The following STAB2 variants were observed in gnomAD, a reference collection of about 807,000 sequenced individuals.
STAB2 encodes the protein stabilin-2.
STAB2 carries 288 observed loss-of-function variants against 338.1 expected under a neutral mutation model. That is an observed-to-expected ratio of 0.85 (90% CI 0.77 to 0.94). The LOEUF (loss-of-function observed/expected upper bound fraction) is 0.94. Among genes scored for constraint, STAB2 ranks in the 40% least tolerant of loss-of-function variants. The pLI is 0.00. For synonymous variants in STAB2, 1,202 were observed against 1,193.3 expected, an observed-to-expected ratio of 1.01 and a Z score of -0.15; for missense variants, 3,141 against 3,210.1, an observed-to-expected ratio of 0.98 and a Z score of 0.52.
Position 103,640,257 on chromosome 12 carries a change from G to A in STAB2, c.1040+1G>A. ...CCACCGTCGCACCAGGCCGAACTGA[G>A]TAAGTCTTTTCAATTCCTCCACCAA... On this transcript the variant is annotated splice_donor_variant, in intron 9 of 68. Transcript: ENST00000388887. LOFTEE classifies it high-confidence loss of function. 6.2e-7 allele frequency: 1 copy of A among 1,608,320 alleles called. No homozygotes were observed. Among genetic ancestry groups the A allele is most frequent in the Non-Finnish European group, 8.5e-7 (1 of 1,176,644 alleles).
rs370156296 is a variant in STAB2, at chr12:103,684,996, G to A, written c.2909G>A (p.Cys970Tyr). 45 of 1,613,714 alleles carry A rather than the reference G, an allele frequency of 2.8e-5. No homozygotes were observed. The highest frequency in any genetic ancestry group is 3.5e-5 in the Non-Finnish European group (41 of 1,179,812). Residue 970 changes from cysteine to tyrosine, a missense_variant, in exon 27 of 69, where the codon TGT becomes TAT. Physicochemically the swap from Cys to Tyr is radical, Grantham distance 194. Coordinates refer to ENST00000388887, the MANE Select transcript of STAB2 (RefSeq NM_017564.10). Reference sequence around the variant, plus strand: ...TCATCTTGGTTTTCTCAGGCAAGCTGTCAATCTACTTCGTCTGGTGTCTGG... The same window carrying A: ...TCATCTTGGTTTTCTCAGGCAAGCTATCAATCTACTTCGTCTGGTGTCTGG... ...QTGKCHPLAS[C>Y]QSTSSGVWSC...
At chr12:103,690,612 T>A (rs548086398) in intron 30 of STAB2, 74 bp downstream of exon 30, 2 of 1,338,562 alleles carry the variant, frequency 1.5e-6, no homozygotes, top group South Asian at 1.3e-5. Flanking sequence ...TAAATTTTCA[T>A]GTTATGGGAA....
chr12:103,688,841 A>G (rs2138898230), intron 28 of STAB2, among the ~76,000 whole-genome samples: 1 of 152,272 alleles, frequency 6.6e-6, no homozygotes, highest in African/African-American at 2.4e-5. Flanking sequence ...CACAGGCATG[A>G]GCTGGCCCAG....
At chr12:103,739,767 G>A (rs1882436753) in intron 54 of STAB2, among the ~76,000 whole-genome samples, 1 of 152,070 alleles carries the variant, frequency 6.6e-6, no homozygotes, top group African/African-American at 2.4e-5. Context: ...GCATTTTGTT[G>A]GCTGCTCTCC....
chr12:103,761,545 C>T, intron 66 of STAB2, 135 bp downstream of exon 66: 1 of 751,414 alleles, frequency 1.3e-6, no homozygotes, highest in South Asian at 1.8e-5. Flanking sequence ...CCTCCAACCT[C>T]CAAGGTAGCT....
chr12:103,755,474 GC>G lies in STAB2; in HGVS notation c.6880+11del. On this transcript the variant is annotated splice_region_variant and intron_variant, in intron 62 of 68. Coordinates refer to ENST00000388887, the MANE Select transcript of STAB2 (RefSeq NM_017564.10). ...TTCTGCTATCGGATGAAAGGTAACC[GC>G]CCCAGCTACACTTCAGGTTCTGGGC... is the stretch of plus-strand genomic sequence containing the variant. 6.2e-7 allele frequency: 1 copy of G among 1,613,054 alleles called. No individual in the cohort carries two copies. The highest frequency in any genetic ancestry group is 1.3e-5 in the African/African-American group (1 of 74,982).
At chr12:103,675,669 G>A (rs1876270847) in intron 23 of STAB2, among the ~76,000 whole-genome samples, 1 of 152,216 alleles carries the variant, frequency 6.6e-6, no homozygotes, top group South Asian at 2.1e-4. Flanking sequence ...TTTTCCTCAT[G>A]AGAAATAAGA....
chr12:103,640,087 G>C, intron 8 of STAB2, 36 bp from the exon 9 acceptor site: 1 of 1,574,300 alleles, frequency 6.4e-7, no homozygotes, highest in African/African-American at 1.4e-5. Context: ...TAACTAACTA[G>C]GATCCTATTT....
intron 3 of STAB2, among the ~76,000 whole-genome samples, chr12:103,605,606 G>A (rs903015748): frequency 2.0e-5 from 3 of 151,764 alleles, no homozygotes; most frequent in Non-Finnish European, 4.4e-5. Context: ...ATTTCTCCTT[G>A]CAGTTCAATG....
In STAB2 at chr12:103,689,953, G is replaced by A. The variant is rs1052913919; in HGVS notation, c.3153G>A (p.Leu1051=). 6.2e-7 allele frequency: 1 copy of A among 1,614,064 alleles called. No homozygotes were observed. The highest frequency in any genetic ancestry group is 8.5e-7 in the Non-Finnish European group (1 of 1,179,982). ...ACCAGGATGAGAAAAGCTTCTGGTT[G>A]TCACAGAGCAATATTCCAGCCCTAA... ...DMDQDEKSFW[L]SQSNIPALIK... The change falls in exon 29 of 69, where the codon TTG becomes TTA. Residue 1051 remains leucine, a synonymous_variant. Coordinates refer to ENST00000388887, the MANE Select transcript of STAB2 (RefSeq NM_017564.10).
intron 44 of STAB2, among the ~76,000 whole-genome samples, chr12:103,723,411 CAAG>C (rs985797946): frequency 1.3e-5 from 2 of 152,164 alleles, no homozygotes; most frequent in African/African-American, 4.8e-5. Context: ...TTCACTATTA[CAAG>C]AAGAGCACAG....
Position 103,737,772 on chromosome 12 carries a change from G to C in STAB2, c.5689G>C (p.Asp1897His), listed in dbSNP as rs374730743. The stretch of plus-strand genomic sequence containing the variant: ...CCGCTGTGACACCTTTACTACTTTC[G>C]ATGCCTCGGTCAGTCCTAAAAACAA... Reference protein sequence around the residue: ...GGRCDTFTTFDASGECGSCVN... With the variant: ...GGRCDTFTTFHASGECGSCVN... The change falls in exon 53 of 69, where the codon GAT becomes CAT. Residue 1897 changes from aspartate (D) to histidine (H), a missense_variant. Coordinates refer to ENST00000388887, the MANE Select transcript of STAB2 (RefSeq NM_017564.10). The C allele has an allele frequency of 3.1e-6, 5 of 1,613,500 alleles. No individual in the cohort carries two copies. Among genetic ancestry groups the C allele is most frequent in the Non-Finnish European group, 4.2e-6 (5 of 1,179,930 alleles).
intron 4 of STAB2, 98 bp downstream of exon 4, chr12:103,620,651 ACACG>A: frequency 3.1e-6 from 3 of 976,902 alleles, no homozygotes; most frequent in Non-Finnish European, 4.6e-6. Flanking sequence ...ACACACACAC[ACACG>A]TGCACACACA....
intron 63 of STAB2, among the ~76,000 whole-genome samples, chr12:103,757,012 T>TATATATATATATATATATATATATATAAA (rs1884168216): frequency 7.1e-6 from 1 of 140,650 alleles, no homozygotes; most frequent in East Asian, 2.1e-4. Context: ...TATATATATA[T>TATATATATATATATATATATATATATAAA]ATATATATAT....
At chr12:103,683,324 C>G in intron 26 of STAB2, 24 bp downstream of exon 26, 1 of 1,139,152 alleles carries the variant, frequency 8.8e-7, no homozygotes, top group Non-Finnish European at 1.3e-6. Context: ...CCTTGTTTTT[C>G]ATTACTTAAA....
intron 59 of STAB2, 88 bp from the exon 60 acceptor site, chr12:103,750,491 T>C (rs184865316): frequency 6.4e-7 from 1 of 1,551,430 alleles, no homozygotes; most frequent in African/African-American, 1.4e-5. Context: ...GAACACCTCC[T>C]AGGCTGGACA....
rs150542833 is a variant in STAB2, at chr12:103,740,446, T to C, written c.5755-184T>C. 3.4e-3 allele frequency among the ~76,000 whole-genome samples: 521 copies of C among 152,186 alleles called. 3 individuals are homozygous for C. Among genetic ancestry groups the C allele is most frequent in the Non-Finnish European group, 6.1e-3 (412 of 68,004 alleles). On this transcript the variant is annotated intron_variant, in intron 54 of 68. Coordinates refer to ENST00000388887, the MANE Select transcript of STAB2 (RefSeq NM_017564.10). The stretch of plus-strand genomic sequence containing the variant: ...GACCCTAGATCTACTCCCTCCCCTA[T>C]CTGCGTGTTTCTGTTGACTCCCATA...
chr12:103,687,009 T>C (rs79246088), intron 27 of STAB2, among the ~76,000 whole-genome samples: 2 of 152,304 alleles, frequency 1.3e-5, no homozygotes, highest in East Asian at 3.9e-4. Context: ...ACTTACTTTT[T>C]TAACATGTGC....
At chr12:103,744,461 C>G (rs1012060139) in intron 56 of STAB2, among the ~76,000 whole-genome samples, 4 of 122,470 alleles carry the variant, frequency 3.3e-5, no homozygotes, top group Non-Finnish European at 4.9e-5. Flanking sequence ...CACAATTTTA[C>G]TTTTTTTTTT....
Sources: gnomAD v4.1 joint callset for allele counts (sites outside exome capture counted in the v4.1 genomes callset) on GRCh38, gnomAD v4.1.1 for gene constraint, MANE v1.5 for transcripts, NCBI Gene and HGNC (gene_info 2026-07-23, HGNC 2026-07-21) for gene names.